PLXNA1: variants seen among roughly 807,000 people sequenced by gnomAD.
The protein encoded by PLXNA1 is plexin A1.
A neutral mutation model predicts 191.7 loss-of-function variants in PLXNA1; 77 were observed. The ratio of observed to expected loss-of-function variants is 0.40; its 90% confidence interval spans 0.33 to 0.49. PLXNA1 has a LOEUF of 0.49. Among genes scored for constraint, PLXNA1 ranks in the 20% least tolerant of loss-of-function variants. PLXNA1 has a pLI of 0.63. For synonymous variants in PLXNA1, 1,137 were observed against 1,156.4 expected (o/e 0.98, Z 0.34); for missense variants, 2,110 against 2,660.2 (o/e 0.79, Z 4.55).
At chr3:127,005,710 T>G (rs1176812389) in intron 7 of PLXNA1, among the ~76,000 whole-genome samples, 27 of 94,564 alleles carry the variant, frequency 2.9e-4, no homozygotes, top group African/African-American at 4.7e-4. Flanking sequence ...AAGGTGGGAG[T>G]GGGTGAGGGG....
At position 127,020,189 on chromosome 3, in the gene PLXNA1, C is replaced by T; in HGVS notation, c.3896-13C>T. 2 of 1,612,138 alleles carry T rather than the reference C, an allele frequency of 1.2e-6. No individual in the cohort carries two copies. Among genetic ancestry groups the T allele is most frequent in the Non-Finnish European group, 1.7e-6 (2 of 1,179,660 alleles). ...CCAGGGCATGCTGCCCCTGACGCCG[C>T]ATCTGGCCACAGCCTTTGCAGAGCT... is the stretch of plus-strand genomic sequence containing the variant. On this transcript the variant is annotated splice_polypyrimidine_tract_variant and intron_variant, in intron 20 of 31. Transcript: ENST00000393409.
chr3:127,001,563 G>A (rs1474745308), intron 3 of PLXNA1, among the ~76,000 whole-genome samples: 1 of 152,194 alleles, frequency 6.6e-6, no homozygotes, highest in Non-Finnish European at 1.5e-5. Context: ...GAGGAATCGT[G>A]GTCCCTAACC....
chr3:127,015,994 A>C (rs999502296), intron 15 of PLXNA1, among the ~76,000 whole-genome samples: 1 of 152,146 alleles, frequency 6.6e-6, no homozygotes. Context: ...CCAGGGTAGT[A>C]GGAGTGGGTG....
chr3:127,026,692 C>T (rs934759537), intron 23 of PLXNA1: 10 of 152,254 alleles, frequency 6.6e-5, no homozygotes, highest in African/African-American at 1.4e-4. Flanking sequence ...CAGATGCTAA[C>T]GAGGTGCCTG....
In PLXNA1 at chr3:127,034,108, G is replaced by A. The variant is rs2079226733; in HGVS notation, c.*91G>A. ...TCACCGCATGCGTGTGGAGTGTCCG[G>A]TGGTGCTCGGGCCGCCGCAGTGCAG... On this transcript the variant is annotated 3_prime_UTR_variant, in exon 32 of 32. Transcript: ENST00000393409. The A allele has an allele frequency of 1.7e-6, 2 of 1,203,340 alleles. No individual in the cohort carries two copies. Among genetic ancestry groups the A allele is most frequent in the East Asian group, 5.2e-5 (2 of 38,572 alleles). The allele number at this position is 1,203,340 out of a possible 1,614,324, so 74.5% of individuals were successfully genotyped here.
At chr3:127,029,828 G>A (rs1257207138) in intron 27 of PLXNA1, 46 bp from the exon 28 acceptor site, 1 of 1,520,572 alleles carries the variant, frequency 6.6e-7, no homozygotes, top group Non-Finnish European at 8.9e-7. Flanking sequence ...CGGGCGGGGG[G>A]TGCGGGGTGC....
chr3:127,014,053 C>T lies in PLXNA1; in HGVS notation c.2347C>T (p.Pro783Ser). The change falls in exon 11 of 32, where the codon CCA becomes TCA. Residue 783 changes from proline (P) to serine (S), a missense_variant. Pro to Ser is a moderately conservative substitution (Grantham distance 74). This residue lies in a region of PLXNA1 where 644 missense variants were observed against 714.3 expected (regional missense o/e 0.90). Coordinates refer to ENST00000393409, the MANE Select transcript of PLXNA1 (RefSeq NM_032242.4). ...SYEGNDVSDL[P>S]VNLSVVWNGN... Reference sequence around the variant, plus strand: ...CGAGGGGAACGATGTCAGCGACCTGCCAGTGAACCTGTCAGTCGTGTGGAA... The same window carrying T: ...CGAGGGGAACGATGTCAGCGACCTGTCAGTGAACCTGTCAGTCGTGTGGAA... 1 of 1,613,972 alleles carries T rather than the reference C, an allele frequency of 6.2e-7. No individual in the cohort carries two copies. The highest frequency in any genetic ancestry group is 8.5e-7 in the Non-Finnish European group (1 of 1,179,958).
chr3:127,022,491 C>A, intron 22 of PLXNA1, 150 bp downstream of exon 22: 2 of 1,020,574 alleles, frequency 2.0e-6, no homozygotes, highest in Non-Finnish European at 1.4e-6. Flanking sequence ...TCAGCTGCCA[C>A]CTCCCTAGGT....
chr3:127,029,579 C>T (rs774538014), intron 27 of PLXNA1, 43 bp downstream of exon 27: 3 of 1,589,564 alleles, frequency 1.9e-6, no homozygotes, highest in Non-Finnish European at 1.7e-6. Flanking sequence ...GCATGGGTCC[C>T]TGGCCTGGGC....
At chr3:127,029,357 CG>C in intron 26 of PLXNA1, 82 bp from the exon 27 acceptor site, 1 of 1,325,012 alleles carries the variant, frequency 7.5e-7, no homozygotes, top group Non-Finnish European at 1.1e-6. Context: ...AGGGTGTCAC[CG>C]GGGTCCCCAG....
chr3:126,987,814 A>G (rs1353072846), intron 1 of PLXNA1, among the ~76,000 whole-genome samples: 1 of 152,014 alleles, frequency 6.6e-6, no homozygotes, highest in East Asian at 1.9e-4. Context: ...GGTGGGACAC[A>G]TTGCCTGGCT....
intron 1 of PLXNA1, among the ~76,000 whole-genome samples, chr3:126,984,293 G>GGT (rs1306125368): frequency 2.0e-5 from 3 of 152,230 alleles, no homozygotes; most frequent in Non-Finnish European, 4.4e-5. Context: ...GAAAGAAAGG[G>GGT]GTGTGTGTGC....
chr3:127,027,662 C>G, intron 23 of PLXNA1: 1 of 592,664 alleles, frequency 1.7e-6, no homozygotes, highest in East Asian at 3.7e-5. Context: ...CCGCGTGCCA[C>G]GCCATGTTCC....
At chr3:127,014,145 G>A (rs774107761) in intron 11 of PLXNA1, 29 bp downstream of exon 11, 8 of 1,613,120 alleles carry the variant, frequency 5.0e-6, no homozygotes, top group Middle Eastern at 1.6e-4. Context: ...GGGGTGGGCA[G>A]TGGGCGGGCC....
chr3:127,010,920 C>T (rs1018217662), intron 9 of PLXNA1, among the ~76,000 whole-genome samples: 3 of 152,164 alleles, frequency 2.0e-5, no homozygotes, highest in African/African-American at 7.2e-5. Flanking sequence ...TGACCATTCT[C>T]GGGCGCTCAC....
chr3:127,002,343 C>G (rs1183158207), intron 3 of PLXNA1, among the ~76,000 whole-genome samples: 1 of 152,248 alleles, frequency 6.6e-6, no homozygotes, highest in Non-Finnish European at 1.5e-5. Flanking sequence ...CCTCTCCCAG[C>G]CGACAGCCTC....
chr3:127,033,296 T>G (rs1285455069), intron 31 of PLXNA1, among the ~76,000 whole-genome samples: 1 of 152,160 alleles, frequency 6.6e-6, no homozygotes, highest in Non-Finnish European at 1.5e-5. Context: ...GAAGGAGAAC[T>G]GGCTCCTGGG....
At chr3:127,024,741 A>C (rs1241835369) in intron 23 of PLXNA1, among the ~76,000 whole-genome samples, 1 of 152,154 alleles carries the variant, frequency 6.6e-6, no homozygotes, top group East Asian at 1.9e-4. Flanking sequence ...TACTGGGCGC[A>C]AGGACATGGC....
At chr3:127,033,867 C>CTGAG (rs953524540) in intron 31 of PLXNA1, 55 bp from the exon 32 acceptor site, 55 of 1,466,080 alleles carry the variant, frequency 3.8e-5, no homozygotes, top group Non-Finnish European at 5.0e-5. Flanking sequence ...CCTGGGCCTG[C>CTGAG]TGAGTGCATG....
Sources: allele counts gnomAD v4.1 joint callset (sites outside exome capture counted in the v4.1 genomes callset), GRCh38; gene constraint gnomAD v4.1.1; regional missense constraint gnomAD v4.1.1; transcripts MANE v1.5; gene names NCBI Gene and HGNC (gene_info 2026-07-23, HGNC 2026-07-21).